The following DPT variants were observed in gnomAD, a reference collection of about 807,000 sequenced individuals.
DPT encodes the protein dermatopontin.
DPT carries 21 observed loss-of-function variants against 31.2 expected under a neutral mutation model. That is an observed-to-expected ratio of 0.67 (90% CI 0.48 to 0.97). The LOEUF is 0.97. DPT is among the 50% of genes least tolerant of loss of function. The pLI is 0.00. For missense variants in DPT, 262 were observed against 258.8 expected (o/e 1.01, Z -0.08); for synonymous variants, 91 against 86.9 (o/e 1.05, Z -0.26).
At chr1:168,722,419 C>A (rs890076017) in intron 1 of DPT, among the ~76,000 whole-genome samples, 1 of 152,134 alleles carries the variant, frequency 6.6e-6, no homozygotes, top group African/African-American at 2.4e-5. Flanking sequence ...ATACTTGTCT[C>A]CATGAGTCTC....
At chr1:168,718,776 A>G (rs7519490) in intron 1 of DPT, among the ~76,000 whole-genome samples, 17,545 of 152,190 alleles carry the variant, frequency 0.12, 1,168 homozygotes, top group African/African-American at 0.19. Context: ...AAATAAGACA[A>G]CGCATGTAAA....
chr1:168,722,684 C>T (rs1650145729), intron 1 of DPT, among the ~76,000 whole-genome samples: 1 of 152,092 alleles, frequency 6.6e-6, no homozygotes, highest in Non-Finnish European at 1.5e-5. Context: ...ATTTAATTCT[C>T]ACAACAACAG....
intron 1 of DPT, among the ~76,000 whole-genome samples, chr1:168,721,611 A>T (rs1028039716): frequency 1.3e-5 from 2 of 152,216 alleles, no homozygotes; most frequent in African/African-American, 4.8e-5. Flanking sequence ...AGGCAATACC[A>T]AGCCTCTCCT....
chr1:168,702,754 G>A (rs977694667), intron 2 of DPT, among the ~76,000 whole-genome samples: 3 of 151,964 alleles, frequency 2.0e-5, no homozygotes, highest in African/African-American at 7.3e-5. Context: ...TGGGATTACA[G>A]GTGTGTGCCA....
At position 168,701,036 on chromosome 1, in the gene DPT, T is replaced by C; in HGVS notation, c.520A>G (p.Thr174Ala). ...TCTCACCTTTCCACTGCAGAGAAAGTGGTTGTTGCTCCTCGGATATAGTAA... is the reference window on the plus strand; with the variant it reads ...TCTCACCTTTCCACTGCAGAGAAAGCGGTTGTTGCTCCTCGGATATAGTAA... ...YDYYIRGATTTFSAVERDRQW... is the reference protein window; with the variant it reads ...YDYYIRGATTAFSAVERDRQW... Residue 174 changes from threonine to alanine, a missense_variant, in exon 3 of 4, where the codon ACT (threonine) becomes GCT (alanine). By Grantham distance (58) the Thr-to-Ala change is moderately conservative (BLOSUM62 0). Transcript: ENST00000367817. The C allele has an allele frequency of 6.2e-7, 1 of 1,613,548 alleles. No homozygotes were observed. The highest frequency in any genetic ancestry group is 1.1e-5 in the South Asian group (1 of 91,046).
At chr1:168,715,433 A>G (rs564420773) in intron 1 of DPT, among the ~76,000 whole-genome samples, 2 of 151,600 alleles carry the variant, frequency 1.3e-5, no homozygotes, top group African/African-American at 4.8e-5. Context: ...TCCACCACCC[A>G]CAAGACCATA....
chr1:168,716,005 T>C (rs962202549), intron 1 of DPT, among the ~76,000 whole-genome samples: 2 of 152,216 alleles, frequency 1.3e-5, no homozygotes, highest in African/African-American at 4.8e-5. Context: ...TACCGTGTGC[T>C]GACTGGTGAG....
chr1:168,728,841 C>G, intron 1 of DPT, 29 bp downstream of exon 1: 1 of 1,608,568 alleles, frequency 6.2e-7, no homozygotes, highest in Non-Finnish European at 8.5e-7. Context: ...TGTTCCCAGC[C>G]CCAGTGCAGT....
intron 2 of DPT, among the ~76,000 whole-genome samples, chr1:168,702,114 T>A (rs1369817944): frequency 1.3e-5 from 2 of 152,184 alleles, no homozygotes; most frequent in African/African-American, 4.8e-5. Flanking sequence ...ACAGTCCTTT[T>A]ACCATGAAAT....
intron 2 of DPT, among the ~76,000 whole-genome samples, chr1:168,704,617 G>A (rs113543140): frequency 6.6e-6 from 1 of 152,236 alleles, no homozygotes; most frequent in Non-Finnish European, 1.5e-5. Flanking sequence ...GTGTGCATGC[G>A]CACTTTCAGA....
At chr1:168,704,514 T>G (rs753985779) in intron 2 of DPT, among the ~76,000 whole-genome samples, 1 of 152,202 alleles carries the variant, frequency 6.6e-6, no homozygotes, top group Non-Finnish European at 1.5e-5. Flanking sequence ...GCCACTGCAC[T>G]CCAGCCCGGG....
At chr1:168,726,770 G>A (rs1650252655) in intron 1 of DPT, among the ~76,000 whole-genome samples, 1 of 152,256 alleles carries the variant, frequency 6.6e-6, no homozygotes, top group Non-Finnish European at 1.5e-5. Flanking sequence ...CTCCACATTA[G>A]GCAGTGGGCC....
At chr1:168,721,444 A>T (rs2101911209) in intron 1 of DPT, among the ~76,000 whole-genome samples, 1 of 152,340 alleles carries the variant, frequency 6.6e-6, no homozygotes, top group East Asian at 1.9e-4. Flanking sequence ...TACCATGATG[A>T]TAAAAGTACC....
intron 1 of DPT, among the ~76,000 whole-genome samples, chr1:168,719,931 GA>G (rs2101910235): frequency 6.6e-6 from 1 of 152,228 alleles, no homozygotes; most frequent in African/African-American, 2.4e-5. Flanking sequence ...CTCCTCCTCT[GA>G]AAACACATTT....
intron 2 of DPT, among the ~76,000 whole-genome samples, chr1:168,701,710 G>A (rs1448168215): frequency 6.6e-6 from 1 of 152,150 alleles, no homozygotes; most frequent in African/African-American, 2.4e-5. Flanking sequence ...TAAAATGTAA[G>A]CTCCCCAAAG....
intron 1 of DPT, among the ~76,000 whole-genome samples, chr1:168,716,520 T>G (rs1302587042): frequency 6.6e-6 from 1 of 152,142 alleles, no homozygotes; most frequent in Admixed American, 6.6e-5. Flanking sequence ...TAGTTTATTA[T>G]ACATGTATCT....
intron 2 of DPT, among the ~76,000 whole-genome samples, chr1:168,709,183 A>G (rs1447099920): frequency 6.6e-6 from 1 of 152,196 alleles, no homozygotes; most frequent in African/African-American, 2.4e-5. Flanking sequence ...AAAGAAAATG[A>G]TTCACAACCA....
intron 3 of DPT, among the ~76,000 whole-genome samples, chr1:168,700,788 C>A (rs1317244888): frequency 1.3e-5 from 2 of 152,130 alleles, no homozygotes; most frequent in African/African-American, 4.8e-5. Flanking sequence ...GCCAAAACTG[C>A]AGTTAATCCT....
chr1:168,704,408 C>A (rs551068248), intron 2 of DPT, among the ~76,000 whole-genome samples: 16 of 152,242 alleles, frequency 1.1e-4, no homozygotes, highest in Admixed American at 7.8e-4. Flanking sequence ...TAGATTTATT[C>A]AATTTTAGCT....
Sources: allele counts gnomAD v4.1 joint callset (sites outside exome capture counted in the v4.1 genomes callset), GRCh38; gene constraint gnomAD v4.1.1; transcripts MANE v1.5; gene names NCBI Gene and HGNC (gene_info 2026-07-23, HGNC 2026-07-21).